Variants in NUP210L observed in about 807,000 individuals in gnomAD.
NUP210L encodes the protein nuclear pore membrane glycoprotein 210-like.
NUP210L carries 74 observed loss-of-function variants against 208.5 expected under a neutral mutation model. That is an observed-to-expected ratio of 0.35 (90% CI 0.29 to 0.43). The LOEUF is 0.43. Among genes scored for constraint, NUP210L ranks in the 20% least tolerant of loss-of-function variants. NUP210L has a pLI of 1.00. For synonymous variants in NUP210L, 780 were observed against 816.9 expected (o/e 0.95, Z 0.77); for missense variants, 1,843 against 2,289.4 (o/e 0.81, Z 3.98).
chr1:154,111,111 G>A (rs1193747961), intron 12 of NUP210L, among the ~76,000 whole-genome samples: 8 of 150,818 alleles, frequency 5.3e-5, no homozygotes, highest in Middle Eastern at 6.8e-3. Context: ...GGCTGGGCAC[G>A]GTGGCTCATG....
rs377397649 is a variant in NUP210L at position 154,046,262 on chromosome 1, A to T, written c.3564+27T>A. 26 of 1,614,030 alleles carry T rather than the reference A, an allele frequency of 1.6e-5. No homozygotes were observed. The African/African-American group carries it at 3.2e-4, about 20-fold the overall frequency. ...CCCAGTTGCAATTATCAGAATAATG[A>T]GCCCTGAACAGAGCCATCATACTGA... On this transcript the variant is annotated intron_variant, in intron 26 of 39. Transcript: ENST00000368559.
chr1:154,046,254 GAAT>G (rs754192407), intron 26 of NUP210L, 32 bp downstream of exon 26: 1 of 1,614,072 alleles, frequency 6.2e-7, no homozygotes, highest in Non-Finnish European at 8.5e-7. Flanking sequence ...GCAATTATCA[GAAT>G]AATGAGCCCT....
At chr1:154,140,082 A>G (rs557686270) in intron 4 of NUP210L, 130 bp from the exon 5 acceptor site, 30 of 692,434 alleles carry the variant, frequency 4.3e-5, no homozygotes, top group Admixed American at 1.7e-4. Context: ...TGGGCATGGT[A>G]GCTCACGCCT....
At chr1:154,049,272 T>C (rs1653359541) in intron 25 of NUP210L, among the ~76,000 whole-genome samples, 1 of 152,168 alleles carries the variant, frequency 6.6e-6, no homozygotes, top group East Asian at 1.9e-4. Flanking sequence ...CTTAAATTTA[T>C]GGAGAAGAGA....
At position 154,012,214 on chromosome 1, in the gene NUP210L, A is replaced by G. The variant is rs369997683; in HGVS notation, c.4780+30T>C. ...GAGGGAAAACGAGAAAGATAGGAACAATCACTGAAACCATGAAGAGATTCC... is the reference window on the plus strand; with the variant it reads ...GAGGGAAAACGAGAAAGATAGGAACGATCACTGAAACCATGAAGAGATTCC... On this transcript the variant is annotated intron_variant, in intron 34 of 39. Transcript: ENST00000368559. 22 of 1,605,758 alleles carry G rather than the reference A, an allele frequency of 1.4e-5. No homozygotes were observed. The Middle Eastern group carries it at 5.0e-4, about 36-fold the overall frequency.
At chr1:154,116,190 G>A (rs1241429754) in intron 12 of NUP210L, among the ~76,000 whole-genome samples, 1 of 150,462 alleles carries the variant, frequency 6.6e-6, no homozygotes, top group Non-Finnish European at 1.5e-5. Flanking sequence ...GGGAGGCAGA[G>A]CTTGCAGTGA....
chr1:154,069,706 T>C (rs962667791), intron 17 of NUP210L, among the ~76,000 whole-genome samples: 21 of 152,322 alleles, frequency 1.4e-4, no homozygotes, highest in Admixed American at 1.3e-3. Flanking sequence ...ACTGGGTATA[T>C]ACCCAAAGGA....
rs1481318880 is a variant in NUP210L, at chr1:154,025,851, T to C, written c.3948-135A>G. On this transcript the variant is annotated intron_variant, in intron 29 of 39. Coordinates refer to ENST00000368559, the Ensembl canonical transcript of NUP210L. ...TTGCCATTCTCCACGTGTGTAATTA[T>C]TTGTTCCTCAGGTAAAAGTCTGCCT... 9.2e-6 allele frequency: 6 copies of C among 650,364 alleles called. No individual in the cohort carries two copies. The African/African-American group carries it at 1.1e-4, about 12-fold the overall frequency. The allele number at this position is 650,364 out of a possible 1,614,324, so 40.3% of individuals were successfully genotyped here.
intron 13 of NUP210L, among the ~76,000 whole-genome samples, chr1:154,101,031 G>A (rs2148063864): frequency 6.6e-6 from 1 of 151,794 alleles, no homozygotes; most frequent in African/African-American, 2.4e-5. Context: ...AATTAGCCAG[G>A]TGTGGCGGTG....
chr1:154,060,588 C>T (rs189510024), exon 20 of NUP210L: 1 of 1,613,810 alleles, frequency 6.2e-7, no homozygotes, highest in East Asian at 2.2e-5. Context: ...CAACACCCTG[C>T]TCACTGCTGT....
At chr1:154,103,959 A>T in intron 13 of NUP210L, 53 bp downstream of exon 13, 1 of 1,396,446 alleles carries the variant, frequency 7.2e-7, no homozygotes, top group Non-Finnish European at 1.0e-6. Flanking sequence ...TGGTAGAGTT[A>T]AAGATAAATA....
intron 27 of NUP210L, among the ~76,000 whole-genome samples, chr1:154,036,953 C>A (rs1251017590): frequency 6.6e-6 from 1 of 151,286 alleles, no homozygotes; most frequent in Non-Finnish European, 1.5e-5. Context: ...TGAAGAAATG[C>A]GGTTTTGACA....
intron 37 of NUP210L, among the ~76,000 whole-genome samples, chr1:153,998,458 G>A (rs1252435368): frequency 6.6e-6 from 1 of 151,670 alleles, no homozygotes; most frequent in African/African-American, 2.4e-5. Context: ...GGGAGGCTGA[G>A]GGAGGAGAAT....
chr1:154,057,554 G>C lies in NUP210L; in HGVS notation c.3107+535C>G, dbSNP rs185943770. 1.9e-4 allele frequency among the ~76,000 whole-genome samples: 29 copies of C among 152,132 alleles called. 1 individual carries two copies. The highest frequency in any genetic ancestry group is 6.7e-4 in the African/African-American group (28 of 41,508). On this transcript the variant is annotated intron_variant, in intron 22 of 39. Transcript: ENST00000368559. ...CTCAGAGGGGAATACCAGTATGTCT[G>C]CCTCTAAATATATTTTTAAAGGGTC...
At chr1:154,062,322 G>A (rs1270510914) in intron 17 of NUP210L, among the ~76,000 whole-genome samples, 2 of 152,128 alleles carry the variant, frequency 1.3e-5, no homozygotes, top group Non-Finnish European at 2.9e-5. Context: ...ATGGAAGTGA[G>A]AAAGGGATAG....
intron 16 of NUP210L, among the ~76,000 whole-genome samples, chr1:154,075,786 T>G (rs983025746): frequency 6.6e-6 from 1 of 151,824 alleles, no homozygotes; most frequent in Non-Finnish European, 1.5e-5. Flanking sequence ...GGCAAATACT[T>G]CTTTTTTTTT....
At chr1:153,993,079 G>A in exon 39 of NUP210L, 1 of 1,612,358 alleles carries the variant, frequency 6.2e-7, no homozygotes, top group Non-Finnish European at 8.5e-7. Flanking sequence ...TGTTTAGGAA[G>A]GCATTGTATG....
intron 16 of NUP210L, chr1:154,078,950 T>G (rs1655175138): frequency 6.6e-6 from 1 of 152,218 alleles, no homozygotes. Context: ...TTATTTATTT[T>G]GTAAGGAAAG....
At chr1:154,090,636 C>A (rs1037020115) in intron 15 of NUP210L, among the ~76,000 whole-genome samples, 4 of 152,046 alleles carry the variant, frequency 2.6e-5, no homozygotes, top group Non-Finnish European at 5.9e-5. Flanking sequence ...TATGGTGAAA[C>A]CCCGTCTCTA....
Sources: allele counts gnomAD v4.1 joint callset (sites outside exome capture counted in the v4.1 genomes callset), GRCh38; gene constraint gnomAD v4.1.1; transcripts MANE v1.5; gene names NCBI Gene and HGNC (gene_info 2026-07-23, HGNC 2026-07-21).